The following TMOD3 variants were observed in gnomAD, a reference collection of about 807,000 sequenced individuals.
The protein encoded by TMOD3 is tropomodulin-3.
Under a neutral mutation model 39.2 loss-of-function variants are expected in TMOD3, and 20 were observed. The observed-to-expected ratio is 0.51, with a 90% CI of 0.36 to 0.74. TMOD3 has a LOEUF of 0.74. Ranked by LOEUF, TMOD3 falls within the 30% of genes least tolerant of loss-of-function variation. The pLI, the probability that TMOD3 is intolerant of heterozygous loss-of-function variation, is 0.00. For missense variants in TMOD3, 381 were observed against 412.8 expected, an observed-to-expected ratio of 0.92 and a Z score of 0.67; for synonymous variants, 143 against 145.8, an observed-to-expected ratio of 0.98 and a Z score of 0.14.
At position 51,869,928 on chromosome 15, in the gene TMOD3, T is replaced by TA. The variant is rs2056466542; in HGVS notation, c.283+555_283+556insA. ...AGTGGAGCCTGAGTACGGCTGTGGT[T>TA]GTTTTTTTGTTTGTTTGTTTGTTTG... On this transcript the variant is annotated intron_variant, in intron 3 of 9. Coordinates refer to ENST00000308580, the MANE Select transcript of TMOD3 (RefSeq NM_014547.5). Among the ~76,000 whole-genome samples, 3 of 152,032 alleles carry TA rather than the reference T, an allele frequency of 2.0e-5. No individual in the cohort carries two copies. The South Asian group carries it at 6.2e-4, about 31-fold the overall frequency.
chr15:51,900,293 A>C lies in TMOD3; in HGVS notation c.874A>C (p.Asn292His). 1 of 1,614,122 alleles carries C rather than the reference A, an allele frequency of 6.2e-7. No individual in the cohort carries two copies. Among genetic ancestry groups the C allele is most frequent in the Non-Finnish European group, 8.5e-7 (1 of 1,180,016 alleles). Residue 292 changes from asparagine (N) to histidine (H), a missense_variant, in exon 8 of 10, where the codon AAT becomes CAT. Coordinates refer to ENST00000308580, the MANE Select transcript of TMOD3 (RefSeq NM_014547.5). ...AACCCTGGCAGAGCTCAAGATTGAC[A>C]ATCAGGTCAATGTTCTACAATAATA... ...NETLAELKID[N>H]QRQQLGTAVE...
At chr15:51,857,560 T>C (rs1249545667) in intron 1 of TMOD3, among the ~76,000 whole-genome samples, 1 of 152,202 alleles carries the variant, frequency 6.6e-6, no homozygotes, top group African/African-American at 2.4e-5. Context: ...GTATTGCCTA[T>C]TAGAGTGCCC....
At chr15:51,864,822 T>C (rs1210342226) in intron 2 of TMOD3, among the ~76,000 whole-genome samples, 2 of 151,912 alleles carry the variant, frequency 1.3e-5, no homozygotes, top group Non-Finnish European at 2.9e-5. Context: ...GAGCGTTAGA[T>C]AAAAAAGAGG....
At position 51,889,083 on chromosome 15, in the gene TMOD3, C is replaced by T. The variant is rs375941122; in HGVS notation, c.434C>T (p.Thr145Met). The change falls in exon 5 of 10, where the codon ACG becomes ATG. Residue 145 changes from threonine (T) to methionine (M), a missense_variant. Physicochemically the swap from Thr to Met is moderately conservative, Grantham distance 81 (BLOSUM62 -1). Coordinates refer to ENST00000308580, the MANE Select transcript of TMOD3 (RefSeq NM_014547.5). ...ATTCTTGGGATGCACAATTTGATAA[C>T]GAATACAAAGTTCTGTAATATAATG... ...AAILGMHNLI[T>M]NTKFCNIMGS... The T allele has an allele frequency of 6.9e-5, 110 of 1,583,062 alleles. No homozygotes were observed. The highest frequency in any genetic ancestry group is 2.5e-4 in the African/African-American group (18 of 72,530).
intron 1 of TMOD3, among the ~76,000 whole-genome samples, chr15:51,836,944 T>A (rs995913805): frequency 6.6e-6 from 1 of 152,022 alleles, no homozygotes; most frequent in Non-Finnish European, 1.5e-5. Flanking sequence ...AAATAAACAG[T>A]TTCATATCTG....
chr15:51,834,512 T>C (rs1346662041), intron 1 of TMOD3, among the ~76,000 whole-genome samples: 1 of 152,118 alleles, frequency 6.6e-6, no homozygotes, highest in African/African-American at 2.4e-5. Context: ...ATCTAGTTGT[T>C]CCAGCAACAT....
At chr15:51,854,004 A>AG in intron 1 of TMOD3, among the ~76,000 whole-genome samples, 1 of 152,266 alleles carries the variant, frequency 6.6e-6, no homozygotes, top group African/African-American at 2.4e-5. Flanking sequence ...AAAGGAATAG[A>AG]GAGGCCTAAA....
At position 51,869,346 on chromosome 15, in the gene TMOD3, T is replaced by C; in HGVS notation, c.256T>C (p.Tyr86His). Residue 86 changes from tyrosine (Y) to histidine (H), a missense_variant, in exon 3 of 10, where the codon TAT becomes CAT. Coordinates refer to ENST00000308580, the MANE Select transcript of TMOD3 (RefSeq NM_014547.5). ...ATTGGAGCATAAAGACAGGGAAGAC[T>C]ATGTGCCCTACACTGGAGAAAAAAA... ...EALEHKDRED[Y>H]VPYTGEKKGK... 6.2e-7 allele frequency: 1 copy of C among 1,613,968 alleles called. No individual in the cohort carries two copies. The highest frequency in any genetic ancestry group is 8.5e-7 in the Non-Finnish European group (1 of 1,179,962).
At chr15:51,835,033 T>C (rs6493526) in intron 1 of TMOD3, 54,419 of 152,104 alleles carry the variant, frequency 0.36, 10,161 homozygotes, top group Middle Eastern at 0.43. Context: ...CTAGTTACCA[T>C]GTATTTCCTG....
At chr15:51,836,732 AAAAAGAAAAAAG>A (rs2056285953) in intron 1 of TMOD3, among the ~76,000 whole-genome samples, 1 of 49,818 alleles carries the variant, frequency 2.0e-5, no homozygotes, top group Non-Finnish European at 4.2e-5. Context: ...TCAAAAAAAA[AAAAAGAAAAAAG>A]AAAAAAGAAA....
chr15:51,881,810 C>T (rs1474894996), intron 3 of TMOD3, among the ~76,000 whole-genome samples: 1 of 151,950 alleles, frequency 6.6e-6, no homozygotes, highest in Non-Finnish European at 1.5e-5. Flanking sequence ...GTGATCTGCC[C>T]ACCTTGGCCT....
intron 1 of TMOD3, among the ~76,000 whole-genome samples, chr15:51,832,544 A>T (rs2056261818): frequency 1.3e-5 from 2 of 152,050 alleles, no homozygotes; most frequent in African/African-American, 2.4e-5. Flanking sequence ...ACATGAACAT[A>T]ATTAGAACCG....
At chr15:51,867,352 T>G (rs540820960) in intron 2 of TMOD3, among the ~76,000 whole-genome samples, 1 of 152,362 alleles carries the variant, frequency 6.6e-6, no homozygotes, top group South Asian at 2.1e-4. Context: ...GTAATTCCTC[T>G]CATGATTTCT....
intron 9 of TMOD3, among the ~76,000 whole-genome samples, chr15:51,906,456 A>G (rs2056681226): frequency 6.6e-6 from 1 of 152,170 alleles, no homozygotes; most frequent in Admixed American, 6.5e-5. Flanking sequence ...AAATAATTCT[A>G]CCTGCTCTCC....
At chr15:51,868,202 T>G (rs2056457031) in intron 2 of TMOD3, among the ~76,000 whole-genome samples, 2 of 152,170 alleles carry the variant, frequency 1.3e-5, no homozygotes, top group Non-Finnish European at 2.9e-5. Flanking sequence ...ATGGAAGTCA[T>G]GAAGGAATAT....
chr15:51,885,745 C>T (rs925116397), intron 3 of TMOD3, among the ~76,000 whole-genome samples: 1 of 152,228 alleles, frequency 6.6e-6, no homozygotes, highest in African/African-American at 2.4e-5. Context: ...ACATTTCCCC[C>T]TTTTGTATTC....
At chr15:51,895,509 T>C (rs1435724075) in intron 6 of TMOD3, among the ~76,000 whole-genome samples, 1 of 152,128 alleles carries the variant, frequency 6.6e-6, no homozygotes, top group Non-Finnish European at 1.5e-5. Flanking sequence ...TGTGAGCCAC[T>C]GCGCCCGGCC....
chr15:51,886,355 A>G (rs1362441131), intron 3 of TMOD3, among the ~76,000 whole-genome samples: 1 of 152,214 alleles, frequency 6.6e-6, no homozygotes, highest in African/African-American at 2.4e-5. Flanking sequence ...AGATCACGCC[A>G]CTGCACTCCA....
intron 5 of TMOD3, among the ~76,000 whole-genome samples, chr15:51,892,738 A>C (rs2056599994): frequency 6.6e-6 from 1 of 152,156 alleles, no homozygotes; most frequent in African/African-American, 2.4e-5. Context: ...TGTGATTCTT[A>C]CTGCCTTTAT....
Sources: allele counts gnomAD v4.1 joint callset (sites outside exome capture counted in the v4.1 genomes callset), GRCh38; gene constraint gnomAD v4.1.1; transcripts MANE v1.5; gene names NCBI Gene and HGNC (gene_info 2026-07-23, HGNC 2026-07-21).